Variants in SPATS2L observed in about 807,000 individuals in gnomAD.
The protein encoded by SPATS2L is SPATS2-like protein.
In SPATS2L, 30 loss-of-function variants were observed where a neutral mutation model predicts 59.6. The observed-to-expected ratio is 0.50, with a 90% CI of 0.38 to 0.68. The LOEUF (loss-of-function observed/expected upper bound fraction) is 0.68, where lower values mean the gene tolerates loss of function less well. SPATS2L is among the 30% of genes least tolerant of loss of function. SPATS2L has a pLI of 0.00. For synonymous variants in SPATS2L, 252 were observed against 263.5 expected (o/e 0.96, Z 0.42); for missense variants, 615 against 700.0 (o/e 0.88, Z 1.37).
chr2:200,421,968 T>C (rs1279879136), intron 6 of SPATS2L, among the ~76,000 whole-genome samples: 1 of 152,250 alleles, frequency 6.6e-6, no homozygotes, highest in Admixed American at 6.5e-5. Context: ...TCAGTAACTC[T>C]GTCAAGTATA....
chr2:200,351,720 T>C (rs1323931249), intron 2 of SPATS2L, among the ~76,000 whole-genome samples: 1 of 152,128 alleles, frequency 6.6e-6, no homozygotes, highest in African/African-American at 2.4e-5. Context: ...AGATTTTTTT[T>C]TGATGCAACT....
At chr2:200,476,874 G>C (rs1310519509) in intron 12 of SPATS2L, among the ~76,000 whole-genome samples, 3 of 152,208 alleles carry the variant, frequency 2.0e-5, no homozygotes, top group African/African-American at 7.2e-5. Flanking sequence ...TAGTAAACGC[G>C]GGGGATTTTA....
chr2:200,343,285 G>A (rs2080393380), intron 2 of SPATS2L, among the ~76,000 whole-genome samples: 1 of 152,160 alleles, frequency 6.6e-6, no homozygotes, highest in East Asian at 1.9e-4. Context: ...GAGCCAAAAT[G>A]GAACGTATGT....
At chr2:200,313,637 G>T (rs1037017321) in intron 1 of SPATS2L, among the ~76,000 whole-genome samples, 3 of 152,174 alleles carry the variant, frequency 2.0e-5, no homozygotes, top group South Asian at 2.1e-4. Context: ...AGAAAACGAT[G>T]AACGCTTTTG....
At chr2:200,360,895 C>A (rs796833651) in intron 2 of SPATS2L, among the ~76,000 whole-genome samples, 5 of 137,776 alleles carry the variant, frequency 3.6e-5, no homozygotes, top group African/African-American at 1.7e-4. Flanking sequence ...CATTGTACGA[C>A]CCCCCGCCCC....
At chr2:200,348,414 A>G (rs77834607) in intron 2 of SPATS2L, among the ~76,000 whole-genome samples, 3,837 of 152,360 alleles carry the variant, frequency 0.025, 68 homozygotes, top group Non-Finnish European at 0.039. Context: ...TGCTTCTTGC[A>G]GAAGCCAGTA....
intron 1 of SPATS2L, among the ~76,000 whole-genome samples, chr2:200,316,770 T>G (rs979269892): frequency 1.3e-5 from 2 of 152,196 alleles, no homozygotes; most frequent in Non-Finnish European, 2.9e-5. Flanking sequence ...TCCCTAGGGT[T>G]GGGCCACTGC....
chr2:200,436,464 A>G (rs2084298698), intron 6 of SPATS2L, among the ~76,000 whole-genome samples: 1 of 152,164 alleles, frequency 6.6e-6, no homozygotes, highest in Non-Finnish European at 1.5e-5. Flanking sequence ...CAGTGATTTC[A>G]CTAGTAATGA....
intron 2 of SPATS2L, chr2:200,378,372 G>T (rs2081674325): frequency 1.0e-6 from 1 of 1,002,506 alleles, no homozygotes; most frequent in Non-Finnish European, 1.2e-6. Flanking sequence ...ACCTTAAAAA[G>T]TGAGTTGAGG....
chr2:200,429,429 G>A (rs929987767), intron 6 of SPATS2L, among the ~76,000 whole-genome samples: 2 of 152,170 alleles, frequency 1.3e-5, no homozygotes, highest in East Asian at 1.9e-4. Context: ...TGACCTGATC[G>A]AAGAAGGTGT....
chr2:200,329,562 G>A, intron 2 of SPATS2L, 82 bp downstream of exon 2: 1 of 1,252,212 alleles, frequency 8.0e-7, no homozygotes, highest in Admixed American at 2.0e-5. Context: ...GCTGCCTCCT[G>A]GGAGCCTTGT....
At chr2:200,378,446 G>C (rs1421198594) in intron 2 of SPATS2L, 4 of 974,414 alleles carry the variant, frequency 4.1e-6, no homozygotes, top group Non-Finnish European at 5.0e-6. Context: ...TGGCTGCCTG[G>C]GGGTACTCTC....
intron 1 of SPATS2L, among the ~76,000 whole-genome samples, chr2:200,320,895 G>A (rs537303417): frequency 1.8e-4 from 28 of 152,080 alleles, no homozygotes; most frequent in Non-Finnish European, 3.4e-4. Context: ...GTATTCTTAA[G>A]AAACACAAAT....
At chr2:200,412,521 A>T in intron 4 of SPATS2L, 102 bp downstream of exon 4, 1 of 571,284 alleles carries the variant, frequency 1.8e-6, no homozygotes, top group Non-Finnish European at 3.0e-6. Flanking sequence ...CATTATGTGT[A>T]CTTTAGGTCT....
intron 2 of SPATS2L, among the ~76,000 whole-genome samples, chr2:200,386,446 A>G (rs2081996680): frequency 6.6e-6 from 1 of 152,214 alleles, no homozygotes; most frequent in Non-Finnish European, 1.5e-5. Context: ...AGAATTGCCA[A>G]GGAGATGTGA....
At chr2:200,403,323 C>T (rs1321643493) in intron 3 of SPATS2L, among the ~76,000 whole-genome samples, 1 of 152,128 alleles carries the variant, frequency 6.6e-6, no homozygotes, top group Non-Finnish European at 1.5e-5. Flanking sequence ...TTAGGAGGCA[C>T]AGCTTATGAA....
At chr2:200,373,540 TA>T (rs1317676029) in intron 2 of SPATS2L, among the ~76,000 whole-genome samples, 1 of 152,236 alleles carries the variant, frequency 6.6e-6, no homozygotes, top group African/African-American at 2.4e-5. Flanking sequence ...AAGCATTTAG[TA>T]AAACAAACAA....
chr2:200,454,523 T>C (rs2085697651), intron 8 of SPATS2L, among the ~76,000 whole-genome samples: 1 of 152,226 alleles, frequency 6.6e-6, no homozygotes, highest in Non-Finnish European at 1.5e-5. Context: ...TAGAAAGGAA[T>C]CAAGACAGTG....
At chr2:200,309,011 GA>G in intron 1 of SPATS2L, 1 of 717,618 alleles carries the variant, frequency 1.4e-6, no homozygotes, top group Non-Finnish European at 2.6e-6. Flanking sequence ...AAGGATCAGG[GA>G]AAGAAAATAC....
Sources: gnomAD v4.1 joint callset for allele counts (sites outside exome capture counted in the v4.1 genomes callset) on GRCh38, gnomAD v4.1.1 for gene constraint, MANE v1.5 for transcripts, NCBI Gene and HGNC (gene_info 2026-07-23, HGNC 2026-07-21) for gene names.